Variants in C2orf76 observed in about 807,000 individuals in gnomAD.
C2orf76 encodes the protein chromosome 2 open reading frame 76.
In C2orf76, 23 loss-of-function variants were observed where a neutral mutation model predicts 16.9. The ratio of observed to expected loss-of-function variants is 1.36; its 90% CI spans 0.98 to 1.93. The LOEUF (loss-of-function observed/expected upper bound fraction) is 1.93, where lower values mean the gene tolerates loss of function less well. C2orf76 is among the 30% of genes most tolerant of loss of function. C2orf76 has a pLI of 0.00. For synonymous variants in C2orf76, 48 were observed against 52.3 expected, an observed-to-expected ratio of 0.92 and a Z score of 0.35; for missense variants, 152 against 152.6, an observed-to-expected ratio of 1.00 and a Z score of 0.02.
chr2:119,302,836 G>A lies in C2orf76; in HGVS notation c.305-288C>T, dbSNP rs866576997. Reference sequence around the variant, plus strand: ...GTTAATACAAGAATCTGGTTTTCAGGAAATCATAAAATTGCTCATTTACAG... The same window carrying A: ...GTTAATACAAGAATCTGGTTTTCAGAAAATCATAAAATTGCTCATTTACAG... On this transcript the variant is annotated intron_variant, in intron 5 of 5. Transcript: ENST00000334816. Among the ~76,000 whole-genome samples the A allele has an allele frequency of 1.6e-4, 25 of 152,060 alleles. 1 individual carries two copies. The highest frequency in any genetic ancestry group is 8.3e-4 in the South Asian group (4 of 4,818).
intron 5 of C2orf76, among the ~76,000 whole-genome samples, chr2:119,308,388 C>A (rs1010198763): frequency 6.6e-6 from 1 of 152,196 alleles, no homozygotes; most frequent in Admixed American, 6.5e-5. Context: ...TGCCTGTAAT[C>A]CCAGCACTTT....
chr2:119,292,912 G>A, the C2orf76 span, among the ~76,000 whole-genome samples: 3 of 150,704 alleles, frequency 2.0e-5, no homozygotes, highest in African/African-American at 7.3e-5. Flanking sequence ...GCATGCGCCT[G>A]TAGTCCCAGC....
intron 2 of C2orf76, among the ~76,000 whole-genome samples, chr2:119,322,677 T>C (rs1007289824): frequency 6.6e-6 from 1 of 152,060 alleles, no homozygotes; most frequent in Non-Finnish European, 1.5e-5. Flanking sequence ...CAATGAAAAA[T>C]ACTTTTCAAC....
chr2:119,293,556 G>C, the C2orf76 span, among the ~76,000 whole-genome samples: 3 of 152,324 alleles, frequency 2.0e-5, no homozygotes, highest in East Asian at 5.8e-4. Flanking sequence ...GAATTGCAGC[G>C]GGGCAGGAAT....
At chr2:119,341,335 C>T (rs562199414) in intron 1 of C2orf76, among the ~76,000 whole-genome samples, 1 of 152,236 alleles carries the variant, frequency 6.6e-6, no homozygotes, top group African/African-American at 2.4e-5. Flanking sequence ...ATCAGCAATG[C>T]TTACATGCCA....
the C2orf76 span, among the ~76,000 whole-genome samples, chr2:119,283,277 T>C: frequency 1.3e-5 from 2 of 152,120 alleles, no homozygotes; most frequent in Non-Finnish European, 2.9e-5. Context: ...TTCTTTGTCA[T>C]GAGCTTGGCA....
intron 5 of C2orf76, among the ~76,000 whole-genome samples, chr2:119,309,086 A>G (rs1296654954): frequency 6.6e-6 from 1 of 152,168 alleles, no homozygotes; most frequent in Non-Finnish European, 1.5e-5. Flanking sequence ...AGAGATGAGC[A>G]TGCTAATTGT....
chr2:119,283,856 T>C, the C2orf76 span, among the ~76,000 whole-genome samples: 4 of 152,166 alleles, frequency 2.6e-5, no homozygotes, highest in Non-Finnish European at 5.9e-5. Context: ...AAATCAGATA[T>C]TAGGCTTTGA....
At chr2:119,353,654 C>T (rs1680475311) in intron 1 of C2orf76, among the ~76,000 whole-genome samples, 1 of 150,870 alleles carries the variant, frequency 6.6e-6, no homozygotes, top group Admixed American at 6.6e-5. Flanking sequence ...ACCTCTGCCT[C>T]CCATGTTCAA....
chr2:119,300,505 T>C (rs961574419), downstream of C2orf76, among the ~76,000 whole-genome samples: 5 of 152,318 alleles, frequency 3.3e-5, no homozygotes, highest in African/African-American at 1.2e-4. Context: ...TACCTCAACC[T>C]ACCTTTCTGG....
chr2:119,294,895 C>A, the C2orf76 span, among the ~76,000 whole-genome samples: 2 of 151,914 alleles, frequency 1.3e-5, no homozygotes, highest in African/African-American at 4.8e-5. Flanking sequence ...AGGGTCTAGG[C>A]AGAGATTGAT....
At chr2:119,315,930 G>A (rs4608533) in intron 4 of C2orf76, among the ~76,000 whole-genome samples, 35,905 of 151,718 alleles carry the variant, frequency 0.24, 4,607 homozygotes, top group Middle Eastern at 0.36. Context: ...TGAACATGAT[G>A]AACTATGTCT....
At chr2:119,318,360 C>T (rs993894985) in intron 3 of C2orf76, among the ~76,000 whole-genome samples, 1 of 152,144 alleles carries the variant, frequency 6.6e-6, no homozygotes, top group African/African-American at 2.4e-5. Context: ...TCCTATCAAT[C>T]ACGTTGTAAC....
intron 1 of C2orf76, among the ~76,000 whole-genome samples, chr2:119,356,336 A>T (rs1438340764): frequency 6.8e-6 from 1 of 147,268 alleles, no homozygotes; most frequent in Non-Finnish European, 1.5e-5. Context: ...CAGGAGGGAG[A>T]GGTTGCAGTG....
At chr2:119,351,402 T>G (rs1680399081) in intron 1 of C2orf76, among the ~76,000 whole-genome samples, 1 of 152,032 alleles carries the variant, frequency 6.6e-6, no homozygotes, top group Non-Finnish European at 1.5e-5. Flanking sequence ...GAAAAAAACA[T>G]GGCAATAAAT....
intron 2 of C2orf76, among the ~76,000 whole-genome samples, chr2:119,321,753 T>G (rs1180846573): frequency 6.6e-6 from 1 of 152,196 alleles, no homozygotes; most frequent in Non-Finnish European, 1.5e-5. Flanking sequence ...TGTTACTATC[T>G]GAACTAAGAC....
chr2:119,319,173 T>A (rs962344182), intron 3 of C2orf76, among the ~76,000 whole-genome samples: 14 of 152,168 alleles, frequency 9.2e-5, no homozygotes, highest in Non-Finnish European at 1.6e-4. Flanking sequence ...TTCTATATAT[T>A]TTGCTAATGA....
chr2:119,284,646 T>G, the C2orf76 span, among the ~76,000 whole-genome samples: 1 of 151,592 alleles, frequency 6.6e-6, no homozygotes, highest in Non-Finnish European at 1.5e-5. Flanking sequence ...TTTTGTATAC[T>G]CTCCATATAG....
intron 2 of C2orf76, among the ~76,000 whole-genome samples, chr2:119,322,182 C>T (rs1210366779): frequency 6.6e-6 from 1 of 152,072 alleles, no homozygotes; most frequent in Non-Finnish European, 1.5e-5. Flanking sequence ...CATTCCACTT[C>T]AGAATCAATG....
Sources: gnomAD v4.1 joint callset for allele counts (sites outside exome capture counted in the v4.1 genomes callset) on GRCh38, gnomAD v4.1.1 for gene constraint, MANE v1.5 for transcripts, NCBI Gene and HGNC (gene_info 2026-07-23, HGNC 2026-07-21) for gene names.